Variants in TOP6BL observed in about 807,000 individuals in gnomAD.
TOP6BL encodes type 2 DNA topoisomerase 6 subunit B-like.
the TOP6BL span, among the ~76,000 whole-genome samples, chr11:66,750,711 T>G: frequency 6.6e-6 from 1 of 151,736 alleles, no homozygotes; most frequent in Non-Finnish European, 1.5e-5. Flanking sequence ...ATCTTTTTTT[T>G]TTCCCCCAAA....
chr11:66,796,411 GTT>G, the TOP6BL span: 2 of 1,412,754 alleles, frequency 1.4e-6, no homozygotes. Context: ...TTAAGTCATT[GTT>G]TTCCAGAGAC....
chr11:66,828,645 A>T, the TOP6BL span: 3 of 315,752 alleles, frequency 9.5e-6, no homozygotes, highest in South Asian at 1.4e-4. Context: ...CCGTTACTCC[A>T]TCTTGTCCAG....
chr11:66,838,436 C>T, the TOP6BL span: 4 of 1,613,704 alleles, frequency 2.5e-6, no homozygotes, highest in South Asian at 4.4e-5. Flanking sequence ...CAGCCTGGAG[C>T]TCCTAGCAGG....
the TOP6BL span, among the ~76,000 whole-genome samples, chr11:66,750,691 GTGT>G: frequency 1.5e-4 from 22 of 151,094 alleles, no homozygotes; most frequent in Non-Finnish European, 2.9e-4. Context: ...TAACATGTTT[GTGT>G]TGTTGTATCT....
chr11:66,838,591 C>T, the TOP6BL span: 1 of 676,264 alleles, frequency 1.5e-6, no homozygotes, highest in Admixed American at 2.7e-5. Flanking sequence ...CACTGTGGGT[C>T]TTCAAGGCAG....
At chr11:66,754,279 T>G in the TOP6BL span, among the ~76,000 whole-genome samples, 1 of 152,196 alleles carries the variant, frequency 6.6e-6, no homozygotes, top group African/African-American at 2.4e-5. Context: ...TTCCCCCCTT[T>G]CTGCAACTTC....
chr11:66,777,718 C>T, the TOP6BL span, among the ~76,000 whole-genome samples: 392 of 151,880 alleles, frequency 2.6e-3, 5 homozygotes, highest in African/African-American at 9.2e-3. Flanking sequence ...GGTGAAACCC[C>T]GTCTCTACTA....
the TOP6BL span, among the ~76,000 whole-genome samples, chr11:66,819,834 C>T: frequency 1.3e-5 from 2 of 148,604 alleles, no homozygotes; most frequent in East Asian, 2.0e-4. Context: ...ATCCAGGAGG[C>T]GGAGGTTGCA....
At chr11:66,795,302 CTT>C in the TOP6BL span, among the ~76,000 whole-genome samples, 8 of 136,618 alleles carry the variant, frequency 5.9e-5, no homozygotes, top group Admixed American at 1.5e-4. Context: ...TTCTTTCCTT[CTT>C]TTTTTTTTTT....
chr11:66,744,817 G>GA, the TOP6BL span: 12 of 1,290,564 alleles, frequency 9.3e-6, no homozygotes, highest in African/African-American at 1.6e-5. Flanking sequence ...GGGCTGAGGA[G>GA]GGGGCGGCGG....
the TOP6BL span, among the ~76,000 whole-genome samples, chr11:66,816,673 C>T: frequency 2.6e-5 from 4 of 152,238 alleles, no homozygotes; most frequent in East Asian, 1.9e-4. Flanking sequence ...GTGGTCCTCC[C>T]GCTTCAGCCT....
chr11:66,821,223 G>GCA, the TOP6BL span, among the ~76,000 whole-genome samples: 1 of 151,816 alleles, frequency 6.6e-6, no homozygotes, highest in African/African-American at 2.4e-5. Flanking sequence ...ACTCAGTATT[G>GCA]GATTTAAAAG....
At chr11:66,781,738 A>G in the TOP6BL span, among the ~76,000 whole-genome samples, 3 of 151,942 alleles carry the variant, frequency 2.0e-5, no homozygotes, top group Non-Finnish European at 4.4e-5. Flanking sequence ...GAGTCTTTCC[A>G]TGTTGCCTAG....
the TOP6BL span, among the ~76,000 whole-genome samples, chr11:66,830,623 A>G: frequency 1.3e-5 from 2 of 152,238 alleles, no homozygotes; most frequent in Non-Finnish European, 2.9e-5. Flanking sequence ...TAGAAGATTA[A>G]TAAAATTGAT....
the TOP6BL span, among the ~76,000 whole-genome samples, chr11:66,803,163 G>A: frequency 6.6e-6 from 1 of 152,184 alleles, no homozygotes; most frequent in Non-Finnish European, 1.5e-5. Flanking sequence ...AGACTTATAA[G>A]TATCATGGGG....
At chr11:66,795,722 A>G in the TOP6BL span, among the ~76,000 whole-genome samples, 2 of 151,114 alleles carry the variant, frequency 1.3e-5, no homozygotes, top group African/African-American at 2.4e-5. Flanking sequence ...TTTCAAGAGT[A>G]TTTAAGTAAT....
chr11:66,766,715 A>G, the TOP6BL span, among the ~76,000 whole-genome samples: 1 of 152,230 alleles, frequency 6.6e-6, no homozygotes, highest in African/African-American at 2.4e-5. Context: ...CAAGACTTTA[A>G]CTAACATTAA....
chr11:66,758,054 A>T, the TOP6BL span: 2 of 771,256 alleles, frequency 2.6e-6, no homozygotes, highest in Non-Finnish European at 3.1e-6. Context: ...AGGGATAGAT[A>T]TATTTCTATT....
At chr11:66,805,411 C>T in the TOP6BL span, among the ~76,000 whole-genome samples, 7 of 151,374 alleles carry the variant, frequency 4.6e-5, no homozygotes, top group East Asian at 1.4e-3. Context: ...GATTTCTATT[C>T]TATGTCTGTC....
Sources: gnomAD v4.1 joint callset for allele counts (sites outside exome capture counted in the v4.1 genomes callset) on GRCh38, gnomAD v4.1.1 for gene constraint, MANE v1.5 for transcripts, NCBI Gene and HGNC (gene_info 2026-07-23, HGNC 2026-07-21) for gene names.